Variants in CRISP2 observed in about 807,000 individuals in gnomAD.
CRISP2 encodes the protein cysteine-rich secretory protein 2.
A neutral mutation model predicts 31.7 loss-of-function variants in CRISP2; 29 were observed. The ratio of observed to expected loss-of-function variants is 0.92; its 90% confidence interval spans 0.68 to 1.25. The LOEUF (loss-of-function observed/expected upper bound fraction) is 1.25, where lower values mean the gene tolerates loss of function less well. Among genes scored for constraint, CRISP2 ranks in the 50% most tolerant of loss-of-function variants. The pLI, the probability that CRISP2 is intolerant of heterozygous loss-of-function variation, is 0.00. For synonymous variants in CRISP2, 111 were observed against 101.4 expected (o/e 1.09, Z -0.57); for missense variants, 318 against 286.5 (o/e 1.11, Z -0.79).
the CRISP2 span, among the ~76,000 whole-genome samples, chr6:49,681,405 T>C: frequency 1.3e-5 from 2 of 152,212 alleles, no homozygotes; most frequent in African/African-American, 4.8e-5. Flanking sequence ...CTAAGCCCTG[T>C]AGTAATTTTT....
chr6:49,686,526 A>T, the CRISP2 span, among the ~76,000 whole-genome samples: 31 of 152,266 alleles, frequency 2.0e-4, 1 homozygote, highest in East Asian at 6.0e-3. Context: ...CAAGTTAGAA[A>T]GGCGATCATT....
the CRISP2 span, among the ~76,000 whole-genome samples, chr6:49,682,473 C>A: frequency 4.3e-5 from 2 of 46,594 alleles, no homozygotes; most frequent in African/African-American, 1.4e-4. Flanking sequence ...CCCATCCCTC[C>A]CTCCCTCCCT....
At chr6:49,697,716 G>A in intron 8 of CRISP2, 144 bp downstream of exon 8, 5 of 1,531,054 alleles carry the variant, frequency 3.3e-6, no homozygotes, top group Non-Finnish European at 4.4e-6. Context: ...AGTTGAAAGT[G>A]TCTCAACCTT....
the CRISP2 span, among the ~76,000 whole-genome samples, chr6:49,683,677 AAAAAAAAAAAAAAAAAAATATAT>A: frequency 2.7e-5 from 1 of 37,700 alleles, no homozygotes; most frequent in African/African-American, 8.2e-5. Flanking sequence ...AAAAAAAAAA[AAAAAAAAAAAAAAAAAAATATAT>A]ATATATATAT....
intron 3 of CRISP2, among the ~76,000 whole-genome samples, chr6:49,710,849 A>G (rs551122269): frequency 6.6e-6 from 1 of 152,212 alleles, no homozygotes; most frequent in Admixed American, 6.5e-5. Context: ...TGGATAGGCC[A>G]GGCACAGTGG....
the CRISP2 span, among the ~76,000 whole-genome samples, chr6:49,680,226 C>T: frequency 1.3e-5 from 2 of 152,052 alleles, no homozygotes; most frequent in East Asian, 3.9e-4. Context: ...CATTTAGCTC[C>T]CACTTATAAG....
chr6:49,699,738 T>C lies in CRISP2; in HGVS notation c.271+66A>G, dbSNP rs963364842. ...TTCAAAGTCTTCTTATTATAGAGCA[T>C]CCTACAATGCTCTATTATTATTTTA... On this transcript the variant is annotated intron_variant, in intron 6 of 9. Coordinates refer to ENST00000339139, the MANE Select transcript of CRISP2 (RefSeq NM_003296.4). 4 of 1,152,090 alleles carry C rather than the reference T, an allele frequency of 3.5e-6. No homozygotes were observed. The East Asian group carries it at 1.0e-4, about 30-fold the overall frequency. The allele number at this position is 1,152,090 out of a possible 1,614,324, so 71.4% of individuals were successfully genotyped here.
chr6:49,680,215 T>A, the CRISP2 span, among the ~76,000 whole-genome samples: 11 of 152,176 alleles, frequency 7.2e-5, no homozygotes, highest in Non-Finnish European at 1.5e-4. Flanking sequence ...TGAGTTCTCA[T>A]CATTTAGCTC....
intron 2 of CRISP2, among the ~76,000 whole-genome samples, chr6:49,712,009 T>C (rs1475732424): frequency 6.6e-6 from 1 of 152,248 alleles, no homozygotes; most frequent in Non-Finnish European, 1.5e-5. Flanking sequence ...TGCTGTTTGA[T>C]TGAATTGCTA....
the CRISP2 span, among the ~76,000 whole-genome samples, chr6:49,682,655 T>TTTTC: frequency 0.27 from 13,371 of 50,096 alleles, 1,243 homozygotes; most frequent in East Asian, 0.52. Context: ...TCTTTCTTTC[T>TTTTC]TTTCTTTCTT....
chr6:49,680,057 G>T, the CRISP2 span, among the ~76,000 whole-genome samples: 1 of 152,088 alleles, frequency 6.6e-6, no homozygotes, highest in African/African-American at 2.4e-5. Context: ...CATAGGTAAA[G>T]TTGTATCATA....
chr6:49,686,710 C>A, the CRISP2 span, among the ~76,000 whole-genome samples: 1 of 152,150 alleles, frequency 6.6e-6, no homozygotes, highest in Non-Finnish European at 1.5e-5. Flanking sequence ...TGGGTATATA[C>A]CCAAAGGATT....
downstream of CRISP2, among the ~76,000 whole-genome samples, chr6:49,690,347 T>A (rs894312704): frequency 6.6e-6 from 1 of 152,048 alleles, no homozygotes; most frequent in African/African-American, 2.4e-5. Context: ...AAACAAATCC[T>A]GTGTGATCCA....
At chr6:49,702,216 C>A (rs1766199316) in intron 4 of CRISP2, among the ~76,000 whole-genome samples, 1 of 134,224 alleles carries the variant, frequency 7.5e-6, no homozygotes, top group Non-Finnish European at 1.6e-5. Context: ...GATTAATGGG[C>A]ACTCGGGCTG....
chr6:49,699,771 A>G lies in CRISP2; in HGVS notation c.271+33T>C, dbSNP rs1403716967. ...TGCTCTATTATTATTTTATTCATTT[A>G]TTTATTCAACAAATATTTACTAATT... On this transcript the variant is annotated intron_variant, in intron 6 of 9. Coordinates refer to ENST00000339139, the MANE Select transcript of CRISP2 (RefSeq NM_003296.4). 5 of 1,408,402 alleles carry G rather than the reference A, an allele frequency of 3.6e-6. No individual in the cohort carries two copies. The East Asian group carries it at 9.6e-5, about 27-fold the overall frequency. The allele number at this position is 1,408,402 out of a possible 1,614,324, so 87.2% of individuals were successfully genotyped here.
intron 4 of CRISP2, among the ~76,000 whole-genome samples, chr6:49,707,495 T>G (rs1767272109): frequency 1.3e-5 from 2 of 152,156 alleles, no homozygotes; most frequent in Non-Finnish European, 2.9e-5. Flanking sequence ...TTTTTAATAA[T>G]TTTATAAATG....
At chr6:49,707,429 T>C (rs929490529) in intron 4 of CRISP2, among the ~76,000 whole-genome samples, 2 of 152,144 alleles carry the variant, frequency 1.3e-5, no homozygotes, top group Admixed American at 6.5e-5. Flanking sequence ...GCAGAGTGTT[T>C]ATAGAGCATC....
intron 8 of CRISP2, 99 bp downstream of exon 8, chr6:49,697,761 T>C: frequency 6.3e-7 from 1 of 1,595,530 alleles, no homozygotes; most frequent in Non-Finnish European, 8.6e-7. Flanking sequence ...CCCTCCCTTT[T>C]ATTGAGATAT....
intron 6 of CRISP2, 51 bp from the exon 7 acceptor site, chr6:49,698,558 G>T (rs1024657524): frequency 1.3e-6 from 2 of 1,545,084 alleles, no homozygotes; most frequent in Non-Finnish European, 8.7e-7. Flanking sequence ...AATGGTAAAA[G>T]AAATTGACTA....
Sources: allele counts gnomAD v4.1 joint callset (sites outside exome capture counted in the v4.1 genomes callset), GRCh38; gene constraint gnomAD v4.1.1; transcripts MANE v1.5; gene names NCBI Gene and HGNC (gene_info 2026-07-23, HGNC 2026-07-21).